Variants in DSG1 observed in about 807,000 individuals in gnomAD.
The protein encoded by DSG1 is desmoglein 1.
In DSG1, 39 loss-of-function variants were observed where a neutral mutation model predicts 97.5. The observed-to-expected ratio is 0.40, with a 90% CI of 0.31 to 0.52. The LOEUF (loss-of-function observed/expected upper bound fraction) is 0.52, where lower values mean the gene tolerates loss of function less well. DSG1 is among the 20% of genes least tolerant of loss of function. The pLI, the probability that DSG1 is intolerant of heterozygous loss-of-function variation, is 0.53. For missense variants in DSG1, 1,311 were observed against 1,295.4 expected, an observed-to-expected ratio of 1.01 and a Z score of -0.18; for synonymous variants, 475 against 443.4, an observed-to-expected ratio of 1.07 and a Z score of -0.90.
chr18:31,336,278 T>C, intron 8 of DSG1, 76 bp from the exon 9 acceptor site: 1 of 1,333,688 alleles, frequency 7.5e-7, no homozygotes, highest in East Asian at 2.4e-5. Flanking sequence ...TTTTTTTTGC[T>C]ATTATCAAAG....
chr18:31,354,830 T>G lies in DSG1; in HGVS notation c.2634T>G (p.His878Gln), dbSNP rs750116382. The G allele has an allele frequency of 3.1e-6, 5 of 1,614,126 alleles. No individual in the cohort carries two copies. In the Admixed American group the frequency reaches 8.3e-5, roughly 27 times the overall value. Residue 878 changes from histidine to glutamine, a missense_variant, in exon 15 of 15, where the codon CAT becomes CAG. Coordinates refer to ENST00000257192, the MANE Select transcript of DSG1 (RefSeq NM_001942.4). ...VVGPISGADL[H>Q]GMLEMPDLRD... is the part of the protein sequence containing the mutation. ...GCCCAATCTCTGGCGCTGATTTGCATGGAATGTTAGAGATGCCTGACTTGC... is the reference window on the plus strand; with the variant it reads ...GCCCAATCTCTGGCGCTGATTTGCAGGGAATGTTAGAGATGCCTGACTTGC...
chr18:31,325,897 G>C (rs2071682694), intron 1 of DSG1, among the ~76,000 whole-genome samples: 1 of 152,050 alleles, frequency 6.6e-6, no homozygotes, highest in African/African-American at 2.4e-5. Flanking sequence ...GATAGTATTA[G>C]TGGTGACCAC....
chr18:31,330,300 G>T (rs2071712443), intron 5 of DSG1, among the ~76,000 whole-genome samples: 1 of 152,086 alleles, frequency 6.6e-6, no homozygotes, highest in Admixed American at 6.6e-5. Flanking sequence ...AAGGCATTTT[G>T]CACAATGGTG....
intron 7 of DSG1, 82 bp from the exon 8 acceptor site, chr18:31,333,935 T>C (rs1311919857): frequency 2.6e-6 from 3 of 1,165,542 alleles, no homozygotes; most frequent in South Asian, 2.5e-5. Flanking sequence ...AATAATGAAG[T>C]TATCAACATT....
intron 6 of DSG1, among the ~76,000 whole-genome samples, chr18:31,332,070 T>A (rs577574745): frequency 6.6e-6 from 1 of 152,240 alleles, no homozygotes; most frequent in Non-Finnish European, 1.5e-5. Context: ...ATTTTTCATA[T>A]AATTAATTGA....
chr18:31,336,397 G>C lies in DSG1; in HGVS notation c.1049G>C (p.Gly350Ala), dbSNP rs751052846. ...ATGCAGAGTCTGCAACTCAGTATTG[G>C]TGTCAGAAATAAAGCTGAATTTCAT... The part of the protein sequence containing the change: ...EAMQSLQLSI[G>A]VRNKAEFHHS... The change falls in exon 9 of 15, where the codon GGT (glycine) becomes GCT (alanine). Residue 350 changes from glycine (G) to alanine (A), a missense_variant. Transcript: ENST00000257192. The C allele has an allele frequency of 6.2e-7, 1 of 1,613,710 alleles. No individual in the cohort carries two copies. Among genetic ancestry groups the C allele is most frequent in the Non-Finnish European group, 8.5e-7 (1 of 1,179,784 alleles).
chr18:31,353,326 T>G (rs1233359492), intron 14 of DSG1, among the ~76,000 whole-genome samples: 1 of 151,606 alleles, frequency 6.6e-6, no homozygotes, highest in Non-Finnish European at 1.5e-5. Flanking sequence ...AGTCTGCCCG[T>G]TCTCAGTTCT....
intron 4 of DSG1, among the ~76,000 whole-genome samples, chr18:31,329,239 G>A (rs7236327): frequency 0.47 from 71,190 of 151,396 alleles, 17,649 homozygotes; most frequent in South Asian, 0.61. Context: ...TCTCTCTATC[G>A]TCATGGCCAA....
intron 6 of DSG1, among the ~76,000 whole-genome samples, chr18:31,332,986 C>T (rs2071729987): frequency 6.6e-6 from 1 of 152,286 alleles, no homozygotes; most frequent in Admixed American, 6.5e-5. Context: ...TATTCTCAAC[C>T]TGGGGTCAAT....
At position 31,336,370 on chromosome 18, in the gene DSG1, C is replaced by A. The variant is rs1171909344; in HGVS notation, c.1022C>A (p.Ala341Asp). The A allele has an allele frequency of 6.2e-7, 1 of 1,613,518 alleles. No individual in the cohort carries two copies. Residue 341 changes from alanine (A) to aspartate (D), a missense_variant, in exon 9 of 15, where the codon GCT (alanine) becomes GAT (aspartate). By Grantham distance (126) the Ala-to-Asp change is moderately radical (BLOSUM62 -2). Around this residue, in one of 3 missense-constraint regions of DSG1, gnomAD observed 1,038 missense variants for 964.6 expected, o/e 1.08. Transcript: ENST00000257192. Reference sequence around the variant, plus strand: ...ATTTTCTAGCCCTTAGATTATGAAGCTATGCAGAGTCTGCAACTCAGTATT... The same window carrying A: ...ATTTTCTAGCCCTTAGATTATGAAGATATGCAGAGTCTGCAACTCAGTATT... The part of the protein sequence containing the change: ...LKVVKPLDYE[A>D]MQSLQLSIGV...
chr18:31,341,925 T>C (rs1345159393), intron 11 of DSG1, among the ~76,000 whole-genome samples: 3 of 118,048 alleles, frequency 2.5e-5, no homozygotes, highest in Non-Finnish European at 5.7e-5. Flanking sequence ...TTTTTGTTCT[T>C]TTGTTTTTTT....
intron 6 of DSG1, among the ~76,000 whole-genome samples, chr18:31,332,365 A>G (rs1046872747): frequency 1.3e-5 from 2 of 152,116 alleles, no homozygotes; most frequent in Non-Finnish European, 2.9e-5. Context: ...TGTAACATCT[A>G]TTGATAGCTC....
chr18:31,326,489 T>C, intron 1 of DSG1, 92 bp from the exon 2 acceptor site: 1 of 1,007,636 alleles, frequency 9.9e-7, no homozygotes, highest in Non-Finnish European at 1.5e-6. Context: ...CACAAGCCTA[T>C]GGTTTCATGT....
intron 10 of DSG1, among the ~76,000 whole-genome samples, chr18:31,339,295 A>C (rs992555035): frequency 2.6e-5 from 4 of 152,138 alleles, no homozygotes; most frequent in African/African-American, 7.2e-5. Context: ...AGTAAAAAAA[A>C]TGGAATGAAC....
At chr18:31,335,374 C>G (rs2071745397) in intron 8 of DSG1, among the ~76,000 whole-genome samples, 1 of 152,104 alleles carries the variant, frequency 6.6e-6, no homozygotes, top group Non-Finnish European at 1.5e-5. Context: ...AAATTGGAGT[C>G]TAATCTATTT....
rs767297675 is a variant in DSG1, at chr18:31,354,904, C to T, written c.2708C>T (p.Ser903Phe). Reference protein sequence around the residue: ...IVTERVIAPSSSLPTSLTIHH... With the variant: ...IVTERVIAPSFSLPTSLTIHH... ...ACAGAAAGGGTAATAGCACCAAGCT[C>T]TAGTCTACCCACCTCTCTGACTATC... Residue 903 changes from serine to phenylalanine, a missense_variant, in exon 15 of 15, where the codon TCT (serine) becomes TTT (phenylalanine). Transcript: ENST00000257192. 1 of 1,614,192 alleles carries T rather than the reference C, an allele frequency of 6.2e-7. No homozygotes were observed. The highest frequency in any genetic ancestry group is 8.5e-7 in the Non-Finnish European group (1 of 1,180,032).
intron 6 of DSG1, among the ~76,000 whole-genome samples, chr18:31,332,570 AT>A (rs149727989): frequency 6.6e-6 from 1 of 152,062 alleles, no homozygotes; most frequent in African/African-American, 2.4e-5. Flanking sequence ...CTTTTTCATT[AT>A]TTAAAAAAAA....
chr18:31,348,490 A>G (rs1187949953), intron 14 of DSG1, among the ~76,000 whole-genome samples: 2,040 of 145,876 alleles, frequency 0.014, 53 homozygotes, highest in African/African-American at 0.054. Context: ...ACCCAGTAAT[A>G]GGATGGCTGG....
chr18:31,336,700 A>C, intron 9 of DSG1, 87 bp downstream of exon 9: 1 of 1,353,730 alleles, frequency 7.4e-7, no homozygotes, highest in Non-Finnish European at 1.0e-6. Context: ...ATCTGAGTTA[A>C]AATACTTTTC....
Sources: allele counts gnomAD v4.1 joint callset (sites outside exome capture counted in the v4.1 genomes callset), GRCh38; gene constraint gnomAD v4.1.1; regional missense constraint gnomAD v4.1.1; transcripts MANE v1.5; gene names NCBI Gene and HGNC (gene_info 2026-07-23, HGNC 2026-07-21).